The following ITPR2 variants were observed in gnomAD, a reference collection of about 807,000 sequenced individuals.
The protein encoded by ITPR2 is inositol 1,4,5-trisphosphate receptor type 2, also known as inositol 1,4,5-trisphosphate-gated calcium channel ITPR2.
In ITPR2, 207 loss-of-function variants were observed where a neutral mutation model predicts 317.1. That is an observed-to-expected ratio of 0.65 (90% CI 0.58 to 0.73). The LOEUF (loss-of-function observed/expected upper bound fraction) is 0.73, where lower values mean the gene tolerates loss of function less well. Among genes scored for constraint, ITPR2 ranks in the 30% least tolerant of loss-of-function variants. The pLI is 0.00. For missense variants in ITPR2, 2,613 were observed against 3,284.0 expected (o/e 0.80, Z 4.99); for synonymous variants, 1,156 against 1,149.1 (o/e 1.01, Z -0.12).
chr12:26,697,153 G>A (rs182998632), intron 9 of ITPR2, among the ~76,000 whole-genome samples: 2 of 152,286 alleles, frequency 1.3e-5, no homozygotes, highest in African/African-American at 2.4e-5. Context: ...TGGGAACTGC[G>A]CTGCAAATGC....
chr12:26,805,245 T>C (rs899494069), intron 1 of ITPR2, among the ~76,000 whole-genome samples: 1 of 152,254 alleles, frequency 6.6e-6, no homozygotes, highest in African/African-American at 2.4e-5. Flanking sequence ...TTCTCTGGCC[T>C]AACTACAAAA....
At chr12:26,432,075 T>C (rs1941225877) in intron 48 of ITPR2, among the ~76,000 whole-genome samples, 2 of 152,156 alleles carry the variant, frequency 1.3e-5, no homozygotes, top group South Asian at 4.1e-4. Context: ...ATTCCCCAAA[T>C]GTCAACACCT....
At chr12:26,472,474 T>C (rs1565545780) in intron 45 of ITPR2, among the ~76,000 whole-genome samples, 1 of 151,966 alleles carries the variant, frequency 6.6e-6, no homozygotes, top group Non-Finnish European at 1.5e-5. Flanking sequence ...TTTCCAACAT[T>C]TTGCTTCTGG....
intron 31 of ITPR2, 26 bp from the exon 32 acceptor site, chr12:26,595,616 AAGTT>A (rs1229438489): frequency 4.6e-6 from 7 of 1,522,196 alleles, no homozygotes; most frequent in Non-Finnish European, 6.1e-6. Flanking sequence ...ATACAAAAGA[AAGTT>A]AGTTTTCTTT....
chr12:26,428,013 G>A lies in ITPR2; in HGVS notation c.6845C>T (p.Ser2282Phe), dbSNP rs1373216066. 4 of 1,612,948 alleles carry A rather than the reference G, an allele frequency of 2.5e-6. No homozygotes were observed. The highest frequency in any genetic ancestry group is 3.4e-6 in the Non-Finnish European group (4 of 1,179,378). ...AAACGGCCGAATACCCACAGGCTTGGAGAAGAAAAACAGCATAGATGTGCA... is the reference window on the plus strand; with the variant it reads ...AAACGGCCGAATACCCACAGGCTTGAAGAAGAAAAACAGCATAGATGTGCA... Reference protein sequence around the residue: ...AICTSMLFFFSKPVGIRPFLV... With the variant: ...AICTSMLFFFFKPVGIRPFLV... Residue 2282 changes from serine to phenylalanine, a missense_variant, in exon 49 of 57, where the codon TCC (serine) becomes TTC (phenylalanine). Physicochemically the swap from Ser to Phe is radical, Grantham distance 155 (BLOSUM62 -2). This residue lies in a region of ITPR2 where 926 missense variants were observed against 1,072.8 expected (regional missense o/e 0.86). Transcript: ENST00000381340.
rs79090246 is a variant in ITPR2, at chr12:26,490,308, A to C, written c.5371-3057T>G. Among the ~76,000 whole-genome samples, 1,217 of 152,352 alleles carry C rather than the reference A, an allele frequency of 8.0e-3. 9 individuals are homozygous for C. Among genetic ancestry groups the C allele is most frequent in the African/African-American group, 0.016 (677 of 41,580 alleles). On this transcript the variant is annotated intron_variant, in intron 39 of 56. Coordinates refer to ENST00000381340, the MANE Select transcript of ITPR2 (RefSeq NM_002223.4). The stretch of plus-strand genomic sequence containing the variant: ...AGCTGAGATAAGGGAATGGACACCA[A>C]ATGTCCCAGACAGCTAGGAAAGACT...
In ITPR2 at chr12:26,339,020, C is replaced by A. The variant is rs1328006309; in HGVS notation, c.*377G>T. On this transcript the variant is annotated 3_prime_UTR_variant, in exon 57 of 57. Transcript: ENST00000381340. ...TTAAAAGAAAGAAATTCCAGCCAACCATGTCAGTGGCTGTAGTCAGCATTT... is the reference window on the plus strand; with the variant it reads ...TTAAAAGAAAGAAATTCCAGCCAACAATGTCAGTGGCTGTAGTCAGCATTT... The A allele has an allele frequency of 1.2e-5, 2 of 163,004 alleles. No individual in the cohort carries two copies. Among genetic ancestry groups the A allele is most frequent in the South Asian group, 1.9e-4 (1 of 5,182 alleles). The allele number at this position is 163,004 out of a possible 1,614,324, so 10.1% of individuals were successfully genotyped here. A position where few individuals can be genotyped will look rare whatever the true frequency, so the allele number is the denominator to read the frequency against.
At chr12:26,560,235 T>C (rs547496486) in intron 35 of ITPR2, among the ~76,000 whole-genome samples, 1 of 152,112 alleles carries the variant, frequency 6.6e-6, no homozygotes, top group African/African-American at 2.4e-5. Context: ...TCTGACCCAC[T>C]TTTTTTTCTT....
intron 37 of ITPR2, among the ~76,000 whole-genome samples, chr12:26,516,290 A>AGGAAAGGAAG (rs1943505736): frequency 4.0e-5 from 2 of 49,712 alleles, no homozygotes; most frequent in African/African-American, 1.8e-4. Flanking sequence ...GGGAAGGGAA[A>AGGAAAGGAAG]GGAAAGGAAA....
At chr12:26,777,578 T>C (rs533798103) in intron 2 of ITPR2, among the ~76,000 whole-genome samples, 63 of 149,260 alleles carry the variant, frequency 4.2e-4, no homozygotes, top group Non-Finnish European at 6.7e-4. Context: ...TGTAGAGCTC[T>C]GACATTGGCT....
chr12:26,490,165 A>T (rs1942764598), intron 39 of ITPR2, among the ~76,000 whole-genome samples: 1 of 152,234 alleles, frequency 6.6e-6, no homozygotes, highest in Non-Finnish European at 1.5e-5. Flanking sequence ...ATAGGATATG[A>T]TCCCCTATAC....
Position 26,336,801 on chromosome 12 carries a change from A to G in ITPR2, c.*2596T>C, listed in dbSNP as rs1203246492. On this transcript the variant is annotated 3_prime_UTR_variant, in exon 57 of 57. Transcript: ENST00000381340. ...TTTATTTTGATGTCACTATATAAATACAAGGATGTTAACTGATACTCACCT... is the reference window on the plus strand; with the variant it reads ...TTTATTTTGATGTCACTATATAAATGCAAGGATGTTAACTGATACTCACCT... The G allele has an allele frequency of 2.0e-5, 3 of 152,204 alleles. No homozygotes were observed. Among genetic ancestry groups the G allele is most frequent in the African/African-American group, 4.8e-5 (2 of 41,470 alleles). The allele number at this position is 152,204 out of a possible 1,614,324, so 9.4% of individuals were successfully genotyped here.
At chr12:26,772,700 A>G (rs147634962) in intron 2 of ITPR2, among the ~76,000 whole-genome samples, 1,719 of 151,130 alleles carry the variant, frequency 0.011, 17 homozygotes, top group Middle Eastern at 0.017. Flanking sequence ...CATGGTGTAT[A>G]TTCGATAAAT....
chr12:26,666,096 T>C (rs1947621077), intron 13 of ITPR2, 45 bp from the exon 14 acceptor site: 2 of 1,499,578 alleles, frequency 1.3e-6, no homozygotes, highest in South Asian at 2.3e-5. Flanking sequence ...GTGTGCTTAA[T>C]TTTGGAAAAT....
chr12:26,620,990 A>G (rs892516854), intron 26 of ITPR2, 133 bp downstream of exon 26: 1 of 740,344 alleles, frequency 1.4e-6, no homozygotes, highest in East Asian at 2.6e-5. Context: ...CAACTTAGCA[A>G]ATGAAAATTT....
chr12:26,415,588 G>T, intron 50 of ITPR2, 90 bp from the exon 51 acceptor site: 1 of 881,664 alleles, frequency 1.1e-6, no homozygotes, highest in Non-Finnish European at 1.7e-6. Context: ...ACAAATGCAA[G>T]CCATTCTAGT....
Position 26,540,664 on chromosome 12 carries a change from T to C in ITPR2, c.5073+9583A>G, listed in dbSNP as rs1944234186. Reference sequence around the variant, plus strand: ...CCTTGAAGCAATGAGTGCTATTATGTGAGATTTTGAAAGAGTAAAGTAAAT... The same window carrying C: ...CCTTGAAGCAATGAGTGCTATTATGCGAGATTTTGAAAGAGTAAAGTAAAT... On this transcript the variant is annotated intron_variant, in intron 37 of 56. Transcript: ENST00000381340. Among the ~76,000 whole-genome samples the C allele has an allele frequency of 2.0e-5, 3 of 152,132 alleles. No individual in the cohort carries two copies. The South Asian group carries it at 6.2e-4, about 31-fold the overall frequency.
At chr12:26,394,536 G>A (rs750227908) in intron 54 of ITPR2, among the ~76,000 whole-genome samples, 3 of 152,108 alleles carry the variant, frequency 2.0e-5, no homozygotes, top group South Asian at 4.1e-4. Flanking sequence ...TTAAAGGTAA[G>A]TAATGTAGTT....
intron 2 of ITPR2, among the ~76,000 whole-genome samples, chr12:26,775,961 C>CATATATA (rs1555189746): frequency 1.4e-4 from 9 of 65,670 alleles, no homozygotes; most frequent in Non-Finnish European, 3.1e-4. Flanking sequence ...TATGTATATC[C>CATATATA]TATTAGTTCT....
Sources: allele counts gnomAD v4.1 joint callset (sites outside exome capture counted in the v4.1 genomes callset), GRCh38; gene constraint gnomAD v4.1.1; regional missense constraint gnomAD v4.1.1; transcripts MANE v1.5; gene names NCBI Gene and HGNC (gene_info 2026-07-23, HGNC 2026-07-21).